Variants in ROBO2 observed in about 807,000 individuals in gnomAD.
ROBO2 encodes the protein roundabout guidance receptor 2.
Under a neutral mutation model 160.8 loss-of-function variants are expected in ROBO2, and 53 were observed. That is an observed-to-expected ratio of 0.33 (90% CI 0.26 to 0.41). The LOEUF (loss-of-function observed/expected upper bound fraction) is 0.41, where lower values mean the gene tolerates loss of function less well. Among genes scored for constraint, ROBO2 ranks in the 10% least tolerant of loss-of-function variants. The probability of loss-of-function intolerance (pLI) is 1.00; values close to 1 mark genes in which losing one functional copy is unlikely to be tolerated. For missense variants in ROBO2, 1,577 were observed against 1,722.4 expected (o/e 0.92, Z 1.49); for synonymous variants, 664 against 611.7 (o/e 1.09, Z -1.26).
intron 2 of ROBO2, among the ~76,000 whole-genome samples, chr3:76,523,925 G>T (rs996981834): frequency 6.6e-6 from 1 of 151,856 alleles, no homozygotes; most frequent in African/African-American, 2.4e-5. Context: ...GGAAAACAAT[G>T]ATTTCAAGTG....
At chr3:77,410,534 CTCCTCT>C in intron 2 of ROBO2, among the ~76,000 whole-genome samples, 1 of 146,554 alleles carries the variant, frequency 6.8e-6, no homozygotes, top group Admixed American at 6.8e-5. Flanking sequence ...CCTCTTCCTC[CTCCTCT>C]TCTTCCTCCT....
chr3:76,555,557 A>T (rs2083737748), intron 2 of ROBO2, among the ~76,000 whole-genome samples: 1 of 152,170 alleles, frequency 6.6e-6, no homozygotes, highest in Non-Finnish European at 1.5e-5. Context: ...ATTGGAATAA[A>T]ACCTCAGGTA....
chr3:76,488,292 C>T (rs2079610678), intron 2 of ROBO2, among the ~76,000 whole-genome samples: 2 of 152,200 alleles, frequency 1.3e-5, no homozygotes, highest in African/African-American at 4.8e-5. Context: ...CTTATGACCT[C>T]ATGGCTTTCT....
intron 1 of ROBO2, among the ~76,000 whole-genome samples, chr3:77,091,462 G>T (rs1358188409): frequency 6.6e-6 from 1 of 152,082 alleles, no homozygotes; most frequent in Non-Finnish European, 1.5e-5. Context: ...CAAAATCATT[G>T]TTTGAGAGTC....
chr3:76,433,547 A>G (rs528168199), intron 2 of ROBO2, among the ~76,000 whole-genome samples: 49 of 152,342 alleles, frequency 3.2e-4, no homozygotes, highest in African/African-American at 1.2e-3. Flanking sequence ...GCGTAAACCT[A>G]TACTTAAAAC....
chr3:77,620,427 A>G (rs1021258264), intron 22 of ROBO2, among the ~76,000 whole-genome samples: 4 of 152,270 alleles, frequency 2.6e-5, no homozygotes, highest in African/African-American at 9.6e-5. Context: ...CCATCAAGGT[A>G]TATTTGTTTT....
At chr3:77,503,497 C>T (rs1480908417) in intron 5 of ROBO2, among the ~76,000 whole-genome samples, 1 of 150,272 alleles carries the variant, frequency 6.7e-6, no homozygotes, top group African/African-American at 2.4e-5. Context: ...GCACTCCAGC[C>T]TGGGCCACAG....
intron 2 of ROBO2, among the ~76,000 whole-genome samples, chr3:76,064,640 C>T (rs1268914429): frequency 6.6e-6 from 1 of 152,048 alleles, no homozygotes; most frequent in Non-Finnish European, 1.5e-5. Context: ...AATATAGGTA[C>T]ATCTGAATCA....
intron 2 of ROBO2, among the ~76,000 whole-genome samples, chr3:77,470,730 T>A (rs1028166490): frequency 1.3e-5 from 2 of 152,244 alleles, no homozygotes; most frequent in Non-Finnish European, 2.9e-5. Context: ...TAAAGGCTCC[T>A]GAGTATGCTT....
chr3:76,804,807 C>A (rs2064542749), intron 2 of ROBO2, among the ~76,000 whole-genome samples: 1 of 152,066 alleles, frequency 6.6e-6, no homozygotes, highest in Non-Finnish European at 1.5e-5. Flanking sequence ...TTCACTTAAC[C>A]CCGCCAGATT....
intron 2 of ROBO2, among the ~76,000 whole-genome samples, chr3:76,057,192 G>A (rs914677392): frequency 2.6e-5 from 4 of 152,008 alleles, no homozygotes; most frequent in African/African-American, 4.8e-5. Context: ...GATACTAGGC[G>A]TATGCGGGCT....
intron 2 of ROBO2, among the ~76,000 whole-genome samples, chr3:76,706,169 G>A (rs2093159249): frequency 6.6e-6 from 1 of 152,020 alleles, no homozygotes; most frequent in South Asian, 2.1e-4. Context: ...ATAGAAAATA[G>A]TTACAAACTT....
At chr3:75,922,436 C>T (rs1363093010) in intron 1 of ROBO2, among the ~76,000 whole-genome samples, 9 of 151,942 alleles carry the variant, frequency 5.9e-5, no homozygotes, top group Admixed American at 3.3e-4. Context: ...TCAGAGGATA[C>T]CATGAATATG....
intron 2 of ROBO2, among the ~76,000 whole-genome samples, chr3:76,050,984 A>G (rs561918222): frequency 2.7e-4 from 41 of 152,272 alleles, no homozygotes; most frequent in African/African-American, 9.6e-4. Context: ...TGATATATTG[A>G]TATCCTGTGA....
intron 2 of ROBO2, among the ~76,000 whole-genome samples, chr3:77,220,667 A>T (rs28378801): frequency 1.3e-5 from 2 of 152,004 alleles, no homozygotes; most frequent in Non-Finnish European, 2.9e-5. Flanking sequence ...TGAGTCTTCC[A>T]GTGATGTATA....
intron 1 of ROBO2, among the ~76,000 whole-genome samples, chr3:77,086,776 G>A (rs1209964875): frequency 6.6e-6 from 1 of 152,060 alleles, no homozygotes; most frequent in Non-Finnish European, 1.5e-5. Context: ...TTCTGGTCGT[G>A]ATTTAGCCAT....
intron 2 of ROBO2, among the ~76,000 whole-genome samples, chr3:76,326,332 A>T (rs1241784488): frequency 6.6e-6 from 1 of 152,208 alleles, no homozygotes; most frequent in Non-Finnish European, 1.5e-5. Flanking sequence ...CACTCTAAGA[A>T]TGTTCACTTT....
chr3:77,219,597 ATTG>A lies in ROBO2; in HGVS notation c.388+121263_388+121265del, dbSNP rs546687826. On this transcript the variant is annotated intron_variant, in intron 2 of 25. Transcript: ENST00000461745. ...TTTGACTGAGACACTAAAGATTTGA[ATTG>A]TTGTTCTGCATTTTACTATTGACCA... Among the ~76,000 whole-genome samples the A allele has an allele frequency of 4.1e-3, 603 of 148,714 alleles. 1 individual carries two copies. The highest frequency in any genetic ancestry group is 0.018 in the Middle Eastern group (5 of 280).
intron 2 of ROBO2, among the ~76,000 whole-genome samples, chr3:76,612,980 A>C (rs2088255637): frequency 6.6e-6 from 1 of 152,074 alleles, no homozygotes; most frequent in African/African-American, 2.4e-5. Context: ...TTATAGGTGA[A>C]GTGCATTTCT....
Sources: allele counts gnomAD v4.1 joint callset (sites outside exome capture counted in the v4.1 genomes callset), GRCh38; gene constraint gnomAD v4.1.1; transcripts MANE v1.5; gene names NCBI Gene and HGNC (gene_info 2026-07-23, HGNC 2026-07-21).